The following TRIM33 variants were observed in gnomAD, a reference collection of about 807,000 sequenced individuals.
The protein encoded by TRIM33 is E3 ubiquitin-protein ligase TRIM33.
Under a neutral mutation model 125.4 loss-of-function variants are expected in TRIM33, and 20 were observed. The observed-to-expected ratio is 0.16, with a 90% CI of 0.11 to 0.23. The LOEUF (loss-of-function observed/expected upper bound fraction) is 0.23. Ranked by LOEUF, TRIM33 falls within the 10% of genes least tolerant of loss-of-function variation. The pLI is 1.00. For synonymous variants in TRIM33, 564 were observed against 513.9 expected, an observed-to-expected ratio of 1.10 and a Z score of -1.32; for missense variants, 920 against 1,411.4, an observed-to-expected ratio of 0.65 and a Z score of 5.58.
chr1:114,508,090 C>A (rs886638144), intron 1 of TRIM33, among the ~76,000 whole-genome samples: 1 of 152,112 alleles, frequency 6.6e-6, no homozygotes, highest in Non-Finnish European at 1.5e-5. Context: ...GCACTCCAGC[C>A]TGAGCAACAG....
intron 11 of TRIM33, among the ~76,000 whole-genome samples, chr1:114,411,044 TTTTA>T (rs1652550550): frequency 6.6e-6 from 1 of 152,124 alleles, no homozygotes; most frequent in South Asian, 2.1e-4. Flanking sequence ...CATATTCTTC[TTTTA>T]TTTATTTTTG....
intron 1 of TRIM33, among the ~76,000 whole-genome samples, chr1:114,465,892 A>C (rs1388203827): frequency 1.3e-5 from 2 of 151,962 alleles, no homozygotes; most frequent in African/African-American, 4.8e-5. Context: ...ATTAAAAAAA[A>C]GTCAGCCGGG....
At chr1:114,452,732 A>T (rs1353977336) in intron 4 of TRIM33, among the ~76,000 whole-genome samples, 2 of 90,570 alleles carry the variant, frequency 2.2e-5, no homozygotes, top group Non-Finnish European at 5.8e-5. Flanking sequence ...TCTCTTAAAA[A>T]AAAAAAAAAA....
intron 1 of TRIM33, among the ~76,000 whole-genome samples, chr1:114,483,446 T>G (rs1208087575): frequency 1.3e-5 from 2 of 151,240 alleles, no homozygotes; most frequent in African/African-American, 2.4e-5. Flanking sequence ...AGATGGAGTC[T>G]CTGTCTGTGG....
At chr1:114,502,993 A>T (rs1652798662) in intron 1 of TRIM33, among the ~76,000 whole-genome samples, 3 of 152,248 alleles carry the variant, frequency 2.0e-5, no homozygotes, top group Admixed American at 2.0e-4. Flanking sequence ...AAGAATATAA[A>T]GAAAATCTGG....
intron 1 of TRIM33, among the ~76,000 whole-genome samples, chr1:114,471,035 G>A (rs1257791159): frequency 6.6e-6 from 1 of 152,220 alleles, no homozygotes; most frequent in African/African-American, 2.4e-5. Flanking sequence ...CTGGGCCCAA[G>A]CAATCCTCCC....
At chr1:114,410,386 G>T in intron 11 of TRIM33, 70 bp from the exon 12 acceptor site, 1 of 1,450,868 alleles carries the variant, frequency 6.9e-7, no homozygotes, top group Non-Finnish European at 9.4e-7. Flanking sequence ...TTATGTCACT[G>T]CTTATACTCA....
intron 4 of TRIM33, among the ~76,000 whole-genome samples, chr1:114,447,328 T>A (rs1414919037): frequency 6.6e-6 from 1 of 151,934 alleles, no homozygotes; most frequent in African/African-American, 2.4e-5. Flanking sequence ...CCTGATAAGT[T>A]TGGATTTGGG....
intron 1 of TRIM33, among the ~76,000 whole-genome samples, chr1:114,499,003 T>C (rs1419102384): frequency 6.6e-6 from 1 of 152,074 alleles, no homozygotes; most frequent in African/African-American, 2.4e-5. Context: ...TAAAAAGATC[T>C]CAAGAAGAGG....
intron 15 of TRIM33, 51 bp from the exon 16 acceptor site, chr1:114,402,934 C>A: frequency 6.5e-7 from 1 of 1,532,958 alleles, no homozygotes; most frequent in South Asian, 1.3e-5. Context: ...AAAGCCTGCT[C>A]TAGAGAAGCT....
chr1:114,445,089 T>C lies in TRIM33; in HGVS notation c.924-11356A>G, dbSNP rs1458157291. 2.6e-5 allele frequency among the ~76,000 whole-genome samples: 4 copies of C among 152,306 alleles called. No homozygotes were observed. The East Asian group carries it at 7.7e-4, about 29-fold the overall frequency. On this transcript the variant is annotated intron_variant, in intron 4 of 19. Transcript: ENST00000358465. ...GGGAGATGTCTGAAGAAAGGGTATG[T>C]GACCATCAACACACATCAATAAAAA...
chr1:114,472,486 A>AG (rs1650707387), intron 1 of TRIM33, among the ~76,000 whole-genome samples: 1 of 152,210 alleles, frequency 6.6e-6, no homozygotes, highest in African/African-American at 2.4e-5. Flanking sequence ...TAATCCCAAC[A>AG]TTTTGGGAGC....
chr1:114,500,826 G>T (rs1209044834), intron 1 of TRIM33, among the ~76,000 whole-genome samples: 1 of 151,764 alleles, frequency 6.6e-6, no homozygotes, highest in African/African-American at 2.4e-5. Context: ...GTTATCTATT[G>T]CTATGTAACA....
chr1:114,483,697 C>T (rs1376422477), intron 1 of TRIM33, among the ~76,000 whole-genome samples: 7 of 151,954 alleles, frequency 4.6e-5, no homozygotes, highest in Admixed American at 4.6e-4. Flanking sequence ...ACAGTGTGAG[C>T]CACCGTGCCC....
chr1:114,421,312 T>G, intron 11 of TRIM33, 124 bp downstream of exon 11: 1 of 920,502 alleles, frequency 1.1e-6, no homozygotes, highest in Admixed American at 2.6e-5. Flanking sequence ...GATTTAGACT[T>G]TACTCTTCAG....
intron 4 of TRIM33, among the ~76,000 whole-genome samples, chr1:114,451,347 C>A (rs931625033): frequency 1.5e-4 from 22 of 148,908 alleles, no homozygotes; most frequent in African/African-American, 5.5e-4. Flanking sequence ...ATCAGATCCA[C>A]CAAATCTTCC....
intron 1 of TRIM33, among the ~76,000 whole-genome samples, chr1:114,468,025 G>C (rs1397592226): frequency 6.6e-6 from 1 of 152,204 alleles, no homozygotes; most frequent in Non-Finnish European, 1.5e-5. Context: ...AGTGTTGAAA[G>C]ACTGGAATGA....
At chr1:114,449,573 TG>T (rs1286835946) in intron 4 of TRIM33, among the ~76,000 whole-genome samples, 1 of 152,184 alleles carries the variant, frequency 6.6e-6, no homozygotes. Flanking sequence ...GTCTTCCTCT[TG>T]TAAAACTGTC....
At chr1:114,445,056 C>A (rs1648890605) in intron 4 of TRIM33, among the ~76,000 whole-genome samples, 1 of 152,056 alleles carries the variant, frequency 6.6e-6, no homozygotes, top group Non-Finnish European at 1.5e-5. Flanking sequence ...ATGGACTTAG[C>A]AGCAAATGGG....
Sources: allele counts gnomAD v4.1 joint callset (sites outside exome capture counted in the v4.1 genomes callset), GRCh38; gene constraint gnomAD v4.1.1; transcripts MANE v1.5; gene names NCBI Gene and HGNC (gene_info 2026-07-23, HGNC 2026-07-21).